The following RBM27 variants were observed in gnomAD, a reference collection of about 807,000 sequenced individuals.
RBM27 encodes the protein RNA binding motif protein 27.
In RBM27, 22 loss-of-function variants were observed where a neutral mutation model predicts 135.3. The ratio of observed to expected loss-of-function variants is 0.16; its 90% CI spans 0.12 to 0.23. The LOEUF (loss-of-function observed/expected upper bound fraction) is 0.23. Among genes scored for constraint, RBM27 ranks in the 10% least tolerant of loss-of-function variants. RBM27 has a pLI of 1.00. For missense variants in RBM27, 1,009 were observed against 1,281.0 expected (o/e 0.79, Z 3.24); for synonymous variants, 481 against 442.4 (o/e 1.09, Z -1.10).
At chr5:146,255,138 G>A (rs1758052696) in intron 10 of RBM27, 46 bp downstream of exon 10, 3 of 1,521,382 alleles carry the variant, frequency 2.0e-6, no homozygotes, top group Non-Finnish European at 2.7e-6. Context: ...TTATGCAGTA[G>A]TTGGATATAG....
chr5:146,256,311 A>G lies in RBM27; in HGVS notation c.1594+1219A>G, dbSNP rs566636715. Among the ~76,000 whole-genome samples the G allele has an allele frequency of 4.1e-5, 6 of 146,718 alleles. No homozygotes were observed. In the South Asian group the frequency reaches 6.3e-4, roughly 15 times the overall value. On this transcript the variant is annotated intron_variant, in intron 10 of 20. Coordinates refer to ENST00000265271, the MANE Select transcript of RBM27 (RefSeq NM_018989.2). ...TATATTTTATATATATATTATTTAT[A>G]TATATATTTTTATATATATTATTTT...
At position 146,261,668 on chromosome 5, in the gene RBM27, A is replaced by G. The variant is rs1758402604; in HGVS notation, c.2052A>G (p.Ser684=). The change falls in exon 13 of 21, where the codon TCA becomes TCG. Residue 684 remains serine (S), a synonymous_variant. Transcript: ENST00000265271. ...ATGAGCAACCGACACTACAGTCCTC[A>G]GCACAGCTGCTCCTGCAACAACAGC... ...ENNEQPTLQS[S]AQLLLQQQQT... The G allele has an allele frequency of 6.2e-7, 1 of 1,614,080 alleles. No individual in the cohort carries two copies. The highest frequency in any genetic ancestry group is 1.7e-5 in the Admixed American group (1 of 60,004).
At chr5:146,252,778 C>T (rs1757952475) in intron 9 of RBM27, among the ~76,000 whole-genome samples, 2 of 152,198 alleles carry the variant, frequency 1.3e-5, no homozygotes, top group South Asian at 4.1e-4. Context: ...TACTTTTAAG[C>T]TAGACATATC....
intron 8 of RBM27, among the ~76,000 whole-genome samples, chr5:146,241,398 GT>G (rs1218608683): frequency 2.0e-5 from 3 of 152,190 alleles, no homozygotes; most frequent in African/African-American, 7.2e-5. Flanking sequence ...TAGATCTCAT[GT>G]TTTTTGAAGT....
chr5:146,263,488 C>T lies in RBM27; in HGVS notation c.2191-3C>T, dbSNP rs569588596. On this transcript the variant is annotated splice_polypyrimidine_tract_variant and splice_region_variant and intron_variant, in intron 13 of 20. Coordinates refer to ENST00000265271, the MANE Select transcript of RBM27 (RefSeq NM_018989.2). ...CACATAAGTGTTCATTTTGTATGTG[C>T]AGATGATGAGCAAACCACAGACATC... The T allele has an allele frequency of 6.2e-7, 1 of 1,611,672 alleles. No individual in the cohort carries two copies. The highest frequency in any genetic ancestry group is 2.2e-5 in the East Asian group (1 of 44,770).
Position 146,263,642 on chromosome 5 carries a change from T to C in RBM27, c.2331+11T>C, listed in dbSNP as rs745977475. On this transcript the variant is annotated intron_variant, in intron 14 of 20. Transcript: ENST00000265271. Reference sequence around the variant, plus strand: ...GGAGAAGATTGCCAGGTATGCATTTTTGGGAGCTTCAGATATATTTAGAAT... The same window carrying C: ...GGAGAAGATTGCCAGGTATGCATTTCTGGGAGCTTCAGATATATTTAGAAT... The C allele has an allele frequency of 1.9e-6, 3 of 1,612,914 alleles. No homozygotes were observed. The highest frequency in any genetic ancestry group is 1.1e-5 in the South Asian group (1 of 90,810).
intron 8 of RBM27, among the ~76,000 whole-genome samples, chr5:146,247,876 A>G (rs1581193963): frequency 6.6e-6 from 1 of 152,114 alleles, no homozygotes; most frequent in Non-Finnish European, 1.5e-5. Flanking sequence ...GATGGTTTCA[A>G]CAGCCATTTT....
rs1188889706 is a variant in RBM27, at chr5:146,231,095, C to T, written c.850+178C>T. 3.3e-5 allele frequency among the ~76,000 whole-genome samples: 5 copies of T among 152,144 alleles called. No individual in the cohort carries two copies. The East Asian group carries it at 5.8e-4, about 18-fold the overall frequency. ...GGAGTGCAGTGGCTCGATCTTGGCT[C>T]GCTGCAACCTCCATCTCCCGGGTTC... On this transcript the variant is annotated intron_variant, in intron 6 of 20. Coordinates refer to ENST00000265271, the MANE Select transcript of RBM27 (RefSeq NM_018989.2).
chr5:146,277,886 C>A (rs1759162085), intron 19 of RBM27, among the ~76,000 whole-genome samples: 1 of 151,812 alleles, frequency 6.6e-6, no homozygotes, highest in African/African-American at 2.4e-5. Context: ...TTCTGGCACC[C>A]CTGGCTACCA....
intron 19 of RBM27, among the ~76,000 whole-genome samples, chr5:146,273,750 A>G (rs1758969109): frequency 1.3e-5 from 2 of 152,232 alleles, no homozygotes; most frequent in Admixed American, 1.3e-4. Context: ...CTTAATGATT[A>G]TGAAAGGATC....
chr5:146,205,262 T>A (rs1427680042), intron 1 of RBM27, among the ~76,000 whole-genome samples: 1 of 152,186 alleles, frequency 6.6e-6, no homozygotes, highest in Non-Finnish European at 1.5e-5. Flanking sequence ...GGGGTATGGC[T>A]AGTTACTGGA....
rs531181162 is a variant in RBM27 at position 146,287,646 on chromosome 5, G to A, written c.*1616G>A. On this transcript the variant is annotated 3_prime_UTR_variant, in exon 21 of 21. Transcript: ENST00000265271. ...GGATTCTAGATTTACTTAGCTATAA[G>A]AAGTTAAATCCCACGTTCTGATAAT... 2 of 152,234 alleles carry A rather than the reference G, an allele frequency of 1.3e-5. No individual in the cohort carries two copies. Among genetic ancestry groups the A allele is most frequent in the South Asian group, 4.1e-4 (2 of 4,828 alleles). 9.4% of individuals were successfully genotyped at this position (152,234 alleles called of 1,614,324 possible). A position where few individuals can be genotyped will look rare whatever the true frequency, so the allele number is the denominator to read the frequency against.
At chr5:146,270,169 A>G (rs1348508029) in intron 17 of RBM27, among the ~76,000 whole-genome samples, 1 of 152,286 alleles carries the variant, frequency 6.6e-6, no homozygotes, top group Admixed American at 6.5e-5. Flanking sequence ...TTTTAGATCT[A>G]TTTAAGTCTA....
chr5:146,281,658 A>G (rs567086558), intron 19 of RBM27, among the ~76,000 whole-genome samples: 24 of 152,370 alleles, frequency 1.6e-4, no homozygotes. Flanking sequence ...AGGTTGGACA[A>G]GGTTGCTCTA....
chr5:146,238,697 A>G (rs1757273344), intron 8 of RBM27, among the ~76,000 whole-genome samples: 1 of 148,708 alleles, frequency 6.7e-6, no homozygotes, highest in Non-Finnish European at 1.5e-5. Flanking sequence ...AACTTTATGG[A>G]TATGTTCCTC....
chr5:146,212,790 A>G (rs1021064824), intron 1 of RBM27, among the ~76,000 whole-genome samples: 4 of 151,694 alleles, frequency 2.6e-5, no homozygotes, highest in African/African-American at 7.3e-5. Context: ...GTTCACTGCA[A>G]CCTCCGTCTC....
At chr5:146,211,300 A>G (rs980219442) in intron 1 of RBM27, among the ~76,000 whole-genome samples, 5 of 151,910 alleles carry the variant, frequency 3.3e-5, no homozygotes, top group African/African-American at 1.2e-4. Flanking sequence ...TAAATACTAA[A>G]TTGCCTAGTC....
intron 1 of RBM27, among the ~76,000 whole-genome samples, chr5:146,218,180 A>T (rs755035173): frequency 9.2e-5 from 14 of 152,200 alleles, no homozygotes; most frequent in South Asian, 2.1e-4. Flanking sequence ...CAACAAGAAA[A>T]CTAAAAGTTT....
intron 8 of RBM27, among the ~76,000 whole-genome samples, chr5:146,238,528 A>T (rs1250261633): frequency 6.6e-6 from 1 of 151,818 alleles, no homozygotes; most frequent in Non-Finnish European, 1.5e-5. Context: ...AAACAAAATG[A>T]TTTTTCTGGA....
Sources: gnomAD v4.1 joint callset for allele counts (sites outside exome capture counted in the v4.1 genomes callset) on GRCh38, gnomAD v4.1.1 for gene constraint, MANE v1.5 for transcripts, NCBI Gene and HGNC (gene_info 2026-07-23, HGNC 2026-07-21) for gene names.